Variants in CYP27C1 observed in about 807,000 individuals in gnomAD.
The protein encoded by CYP27C1 is cytochrome P450 27C1.
CYP27C1 carries 29 observed loss-of-function variants against 40.6 expected under a neutral mutation model. The ratio of observed to expected loss-of-function variants is 0.71; its 90% CI spans 0.53 to 0.97. CYP27C1 has a LOEUF of 0.97. CYP27C1 is among the 50% of genes least tolerant of loss of function. The pLI, the probability that CYP27C1 is intolerant of heterozygous loss-of-function variation, is 0.00. For missense variants in CYP27C1, 390 were observed against 485.8 expected, an observed-to-expected ratio of 0.80 and a Z score of 1.85; for synonymous variants, 198 against 186.8, an observed-to-expected ratio of 1.06 and a Z score of -0.49.
chr2:127,201,746 G>T lies in CYP27C1; in HGVS notation c.674-415C>A, dbSNP rs769997248. On this transcript the variant is annotated intron_variant, in intron 3 of 8. Coordinates refer to ENST00000664447, the MANE Select transcript of CYP27C1 (RefSeq NM_001367502.1). This position sits in a 1 kb window ranked among gnomAD's most constrained non-coding sequence, Gnocchi z 6.0. ...CCCAACACCCTCCTCTCAGGAAGGA[G>T]TCGGCAAACCTCACATGGCCTCTCC... 1.3e-5 allele frequency among the ~76,000 whole-genome samples: 2 copies of T among 152,194 alleles called. No individual in the cohort carries two copies. Among genetic ancestry groups the T allele is most frequent in the Non-Finnish European group, 2.9e-5 (2 of 68,042 alleles).
rs149542135 is a variant in CYP27C1, at chr2:127,199,388, G to A, written c.1035C>T (p.Ala345=). 1,903 of 1,613,956 alleles carry A rather than the reference G, an allele frequency of 1.2e-3. 2 individuals are homozygous for A. Among genetic ancestry groups the A allele is most frequent in the Non-Finnish European group, 1.5e-3 (1,740 of 1,179,930 alleles). Residue 345 remains alanine (A), a synonymous_variant, in exon 5 of 9, where the codon GCC becomes GCT. Transcript: ENST00000664447. ...IYANVTEMLL[A]GVDTTSFTLS... The stretch of plus-strand genomic sequence containing the variant: ...CCCCCAGACTCACCGTGTCGACGCC[G>A]GCCAGCAGCATCTCAGTCACGTTGG...
chr2:127,211,394 T>G (rs1313258766), intron 1 of CYP27C1, among the ~76,000 whole-genome samples: 5 of 131,274 alleles, frequency 3.8e-5, no homozygotes, highest in African/African-American at 1.4e-4. Flanking sequence ...TTTTTTTTTT[T>G]TTTTTTGAGA....
chr2:127,213,933 G>A (rs912226908), intron 1 of CYP27C1, among the ~76,000 whole-genome samples: 2 of 151,946 alleles, frequency 1.3e-5, no homozygotes, highest in Non-Finnish European at 2.9e-5. Context: ...TCTAATAGCT[G>A]GAATTTACAA....
intron 3 of CYP27C1, among the ~76,000 whole-genome samples, chr2:127,203,134 C>T (rs1683080280): frequency 1.3e-5 from 2 of 151,256 alleles, no homozygotes; most frequent in African/African-American, 4.9e-5. Flanking sequence ...CATCATAGCA[C>T]TCCAGCCTGG....
chr2:127,215,509 G>GA (rs1683414874), intron 1 of CYP27C1, among the ~76,000 whole-genome samples: 1 of 151,876 alleles, frequency 6.6e-6, no homozygotes, highest in Non-Finnish European at 1.5e-5. Flanking sequence ...AGTAACAAAA[G>GA]AAAAAAATCG....
chr2:127,187,383 A>C lies in CYP27C1; in HGVS notation c.1502T>G (p.Leu501Arg), dbSNP rs1682654181. The C allele has an allele frequency of 6.2e-7, 1 of 1,613,800 alleles. No homozygotes were observed. The highest frequency in any genetic ancestry group is 8.5e-7 in the Non-Finnish European group (1 of 1,179,688). Residue 501 changes from leucine to arginine, a missense_variant, in exon 9 of 9, where the codon CTT becomes CGT. Leu to Arg is a moderately radical substitution (Grantham distance 102). Coordinates refer to ENST00000664447, the MANE Select transcript of CYP27C1 (RefSeq NM_001367502.1). Reference sequence around the variant, plus strand: ...AGATGTTTTGATCTCAAAATGTTGAAGCAACTAAGAAGAGAAAGAGAGAGA... The same window carrying C: ...AGATGTTTTGATCTCAAAATGTTGACGCAACTAAGAAGAGAAAGAGAGAGA... ...LEIHLVVIQLLQHFEIKTSSQ... is the reference protein window; with the variant it reads ...LEIHLVVIQLRQHFEIKTSSQ...
At chr2:127,190,163 G>T (rs1179144990) in intron 8 of CYP27C1, among the ~76,000 whole-genome samples, 21 of 151,652 alleles carry the variant, frequency 1.4e-4, no homozygotes, top group African/African-American at 5.1e-4. Context: ...TTTCATTTGA[G>T]TCAATTTGGA....
Position 127,201,669 on chromosome 2 carries a change from G to T in CYP27C1, c.674-338C>A, listed in dbSNP as rs1683038365. ...TGGGACAGATCTGGAGCACAGGTCT[G>T]AAATGATGAGCCCTGGGGAGGGGAC... On this transcript the variant is annotated intron_variant, in intron 3 of 8. Transcript: ENST00000664447. The surrounding 1 kb of genome is among the most constrained non-coding windows in gnomAD (Gnocchi z 6.0). 6.6e-6 allele frequency among the ~76,000 whole-genome samples: 1 copy of T among 152,204 alleles called. No individual in the cohort carries two copies. The highest frequency in any genetic ancestry group is 2.4e-5 in the African/African-American group (1 of 41,458).
intron 1 of CYP27C1, among the ~76,000 whole-genome samples, chr2:127,216,842 C>T (rs1683439858): frequency 6.6e-6 from 1 of 152,162 alleles, no homozygotes; most frequent in African/African-American, 2.4e-5. Flanking sequence ...GGTATCTGCC[C>T]AGCTTTCTCA....
At position 127,200,409 on chromosome 2, in the gene CYP27C1, T is replaced by C. The variant is rs1683006786; in HGVS notation, c.883+713A>G. 6.6e-6 allele frequency among the ~76,000 whole-genome samples: 1 copy of C among 152,220 alleles called. No individual in the cohort carries two copies. Among genetic ancestry groups the C allele is most frequent in the Admixed American group, 6.5e-5 (1 of 15,282 alleles). ...AATGCTTTTATAGTAAAAATTTTAG[T>C]CACATAAGAAAACAAATCTCTTTGT... On this transcript the variant is annotated intron_variant, in intron 4 of 8. Transcript: ENST00000664447. This position sits in a 1 kb window ranked among gnomAD's most constrained non-coding sequence, Gnocchi z 4.2.
intron 8 of CYP27C1, among the ~76,000 whole-genome samples, chr2:127,189,763 C>T (rs1682722684): frequency 6.6e-6 from 1 of 152,248 alleles, no homozygotes; most frequent in South Asian, 2.1e-4. Context: ...ATTCTACTGA[C>T]AGATTTTCTC....
chr2:127,201,915 G>T lies in CYP27C1; in HGVS notation c.674-584C>A, dbSNP rs1042505110. On this transcript the variant is annotated intron_variant, in intron 3 of 8. Transcript: ENST00000664447. The surrounding 1 kb of genome is among the most constrained non-coding windows in gnomAD (Gnocchi z 6.0). ...GAAGTGGCCTGGATGAATCCGTGTC[G>T]GGCAGAGCTGTGAACTGTATTTACC... Among the ~76,000 whole-genome samples, 1 of 152,074 alleles carries T rather than the reference G, an allele frequency of 6.6e-6. No homozygotes were observed. The highest frequency in any genetic ancestry group is 6.5e-5 in the Admixed American group (1 of 15,270).
chr2:127,205,814 G>C, intron 2 of CYP27C1, 86 bp downstream of exon 2: 1 of 958,022 alleles, frequency 1.0e-6, no homozygotes, highest in Non-Finnish European at 1.2e-6. Context: ...TTAAGAGCTG[G>C]CTTTTAGGAA....
chr2:127,216,053 G>A (rs1244447485), intron 1 of CYP27C1, among the ~76,000 whole-genome samples: 2 of 152,154 alleles, frequency 1.3e-5, no homozygotes, highest in Admixed American at 6.5e-5. Flanking sequence ...ATGTTGACAG[G>A]GATGTAGAAA....
chr2:127,217,831 G>A (rs1558935817), intron 1 of CYP27C1, among the ~76,000 whole-genome samples: 2 of 152,190 alleles, frequency 1.3e-5, no homozygotes, highest in Non-Finnish European at 2.9e-5. Flanking sequence ...ATGGGCCACA[G>A]AACAATGAGC....
At chr2:127,217,179 G>C (rs1447187092) in intron 1 of CYP27C1, among the ~76,000 whole-genome samples, 2 of 152,184 alleles carry the variant, frequency 1.3e-5, no homozygotes, top group South Asian at 4.1e-4. Flanking sequence ...ACTTTCTGGT[G>C]GTGGGCCATG....
intron 1 of CYP27C1, among the ~76,000 whole-genome samples, chr2:127,214,204 C>G (rs1683384744): frequency 6.6e-6 from 1 of 152,186 alleles, no homozygotes; most frequent in Non-Finnish European, 1.5e-5. Context: ...AACTGAAACA[C>G]TTTTACACTG....
chr2:127,203,009 A>T (rs1683074781), intron 3 of CYP27C1, among the ~76,000 whole-genome samples: 2 of 152,130 alleles, frequency 1.3e-5, no homozygotes. Flanking sequence ...TCTACTAAAA[A>T]TACAAAAAAT....
In CYP27C1 at chr2:127,199,904, A is replaced by G. The variant is rs562962999; in HGVS notation, c.884-365T>C. ...CAGAAGAGAAAATGAGTGGAGGGGAAAAGGCCACACATTATTATCTGGGAT... is the reference window on the plus strand; with the variant it reads ...CAGAAGAGAAAATGAGTGGAGGGGAGAAGGCCACACATTATTATCTGGGAT... On this transcript the variant is annotated intron_variant, in intron 4 of 8. Transcript: ENST00000664447. Among the ~76,000 whole-genome samples, 17 of 152,340 alleles carry G rather than the reference A, an allele frequency of 1.1e-4. No individual in the cohort carries two copies. The East Asian group carries it at 3.3e-3, about 29-fold the overall frequency.
Sources: allele counts gnomAD v4.1 joint callset (sites outside exome capture counted in the v4.1 genomes callset), GRCh38; gene constraint gnomAD v4.1.1; non-coding constraint Gnocchi (gnomAD v3.1); transcripts MANE v1.5; gene names NCBI Gene and HGNC (gene_info 2026-07-23, HGNC 2026-07-21).